Variants in SHANK1 observed in about 807,000 individuals in gnomAD.
The protein encoded by SHANK1 is SH3 and multiple ankyrin repeat domains 1, also known as SH3 and multiple ankyrin repeat domains protein 1.
SHANK1 carries 35 observed loss-of-function variants against 165.6 expected under a neutral mutation model. That is an observed-to-expected ratio of 0.21 (90% CI 0.16 to 0.28). The LOEUF (loss-of-function observed/expected upper bound fraction) is 0.28, where lower values mean the gene tolerates loss of function less well. SHANK1 is among the 10% of genes least tolerant of loss of function. The pLI is 1.00. For synonymous variants in SHANK1, 1,428 were observed against 1,384.8 expected (o/e 1.03, Z -0.69); for missense variants, 2,681 against 3,036.4 (o/e 0.88, Z 2.75).
Position 50,715,051 on chromosome 19 carries a change from G to C in SHANK1, c.531+608C>G, listed in dbSNP as rs115912715. On this transcript the variant is annotated intron_variant, in intron 4 of 23. Coordinates refer to ENST00000293441, the MANE Select transcript of SHANK1 (RefSeq NM_016148.5). Reference sequence around the variant, plus strand: ...GGTGGGGAGAGGGTAGACAAGGAGGGACTGGGAGTTTTTCCTTCTCAAGGA... The same window carrying C: ...GGTGGGGAGAGGGTAGACAAGGAGGCACTGGGAGTTTTTCCTTCTCAAGGA... 6.6e-3 allele frequency among the ~76,000 whole-genome samples: 998 copies of C among 152,134 alleles called. 11 individuals are homozygous for C. The highest frequency in any genetic ancestry group is 0.023 in the African/African-American group (954 of 41,468).
intron 15 of SHANK1, among the ~76,000 whole-genome samples, chr19:50,696,824 A>G (rs1986756275): frequency 6.6e-6 from 1 of 152,102 alleles, no homozygotes; most frequent in Non-Finnish European, 1.5e-5. Flanking sequence ...ACGGATTCAG[A>G]GAAGCACAGA....
chr19:50,674,484 C>G (rs1985912272), intron 21 of SHANK1, among the ~76,000 whole-genome samples: 1 of 152,322 alleles, frequency 6.6e-6, no homozygotes, highest in Non-Finnish European at 1.5e-5. Context: ...ATTCCCAGTT[C>G]CCTCGCTTCT....
chr19:50,708,735 G>C (rs1365698327), intron 8 of SHANK1, among the ~76,000 whole-genome samples: 1 of 152,212 alleles, frequency 6.6e-6, no homozygotes, highest in Admixed American at 6.5e-5. Flanking sequence ...ACTGTGCACA[G>C]TCTTGGTGGA....
chr19:50,710,593 G>GC (rs2088995641), intron 8 of SHANK1, among the ~76,000 whole-genome samples: 1 of 152,164 alleles, frequency 6.6e-6, no homozygotes, highest in African/African-American at 2.4e-5. Flanking sequence ...GCTGCCACGA[G>GC]CCCCCCTGCC....
Position 50,697,791 on chromosome 19 carries a change from T to G in SHANK1, c.1861+52A>C. On this transcript the variant is annotated intron_variant, in intron 13 of 23. Coordinates refer to ENST00000293441, the MANE Select transcript of SHANK1 (RefSeq NM_016148.5). The surrounding 1 kb of genome is among the most constrained non-coding windows in gnomAD (Gnocchi z 4.7). ...CACCCCCATTAGGAAGGGAAAGGAG[T>G]GGACGTGGGAATCCTAGGGTCCATT... 1 of 1,538,134 alleles carries G rather than the reference T, an allele frequency of 6.5e-7. No individual in the cohort carries two copies. The highest frequency in any genetic ancestry group is 9.0e-7 in the Non-Finnish European group (1 of 1,113,870).
intron 15 of SHANK1, among the ~76,000 whole-genome samples, chr19:50,694,019 C>CA (rs895302167): frequency 1.4e-5 from 2 of 138,618 alleles, no homozygotes; most frequent in East Asian, 2.2e-4. Context: ...CCAGCACACA[C>CA]CACACACACA....
Position 50,686,701 on chromosome 19 carries a change from G to T in SHANK1, c.2458+43C>A, listed in dbSNP as rs1257915037. The T allele has an allele frequency of 6.3e-7, 1 of 1,580,086 alleles. No homozygotes were observed. The highest frequency in any genetic ancestry group is 8.7e-7 in the Non-Finnish European group (1 of 1,151,008). Reference sequence around the variant, plus strand: ...GGACAGGGATGCAGCGGGTGCCGGGGCTGGGGCCCGGCATCCCGAGGAGCA... The same window carrying T: ...GGACAGGGATGCAGCGGGTGCCGGGTCTGGGGCCCGGCATCCCGAGGAGCA... On this transcript the variant is annotated intron_variant, in intron 20 of 23. Coordinates refer to ENST00000293441, the MANE Select transcript of SHANK1 (RefSeq NM_016148.5). The surrounding 1 kb of genome is among the most constrained non-coding windows in gnomAD (Gnocchi z 5.7).
intron 15 of SHANK1, among the ~76,000 whole-genome samples, chr19:50,695,663 A>T (rs1354050585): frequency 6.6e-6 from 1 of 151,950 alleles, no homozygotes; most frequent in Non-Finnish European, 1.5e-5. Context: ...CCCGGCAGGG[A>T]CACCGCGGGT....
chr19:50,705,273 T>C (rs1219544911), intron 8 of SHANK1, among the ~76,000 whole-genome samples: 1 of 151,770 alleles, frequency 6.6e-6, no homozygotes, highest in Admixed American at 6.6e-5. Flanking sequence ...ACCCAGGAGG[T>C]GGAGGTTGCA....
chr19:50,669,948 G>T (rs903313425), intron 22 of SHANK1, among the ~76,000 whole-genome samples: 4 of 152,076 alleles, frequency 2.6e-5, no homozygotes, highest in Non-Finnish European at 4.4e-5. Context: ...CACTGCCAAG[G>T]CTCGGTCTTT....
At chr19:50,663,393 C>A (rs1190723258) in intron 23 of SHANK1, among the ~76,000 whole-genome samples, 1 of 152,116 alleles carries the variant, frequency 6.6e-6, no homozygotes, top group Non-Finnish European at 1.5e-5. Flanking sequence ...CACCTCAGGG[C>A]CTTTGAACTG....
Position 50,660,576 on chromosome 19 carries a change from T to C in SHANK1, c.*1389A>G, listed in dbSNP as rs1985162684. 6.6e-6 allele frequency among the ~76,000 whole-genome samples: 1 copy of C among 151,742 alleles called. No homozygotes were observed. The highest frequency in any genetic ancestry group is 2.4e-5 in the African/African-American group (1 of 41,254). ...ATGACAGTTACAGCCCAAGAGTGCATGGAATGAGATGAGTGTGCAAAAGGA... is the reference window on the plus strand; with the variant it reads ...ATGACAGTTACAGCCCAAGAGTGCACGGAATGAGATGAGTGTGCAAAAGGA... On this transcript the variant is annotated 3_prime_UTR_variant, in exon 24 of 24. Transcript: ENST00000293441.
At position 50,718,008 on chromosome 19, in the gene SHANK1, C is replaced by T. The variant is rs938009707; in HGVS notation, c.-43-1046G>A. On this transcript the variant is annotated intron_variant, in intron 1 of 23. Coordinates refer to ENST00000293441, the MANE Select transcript of SHANK1 (RefSeq NM_016148.5). The surrounding 1 kb of genome is among the most constrained non-coding windows in gnomAD (Gnocchi z 5.1). Reference sequence around the variant, plus strand: ...TCTCCCCCAACTCCCACCCCAGCACCGGAAACCAGAATGTCTGGTCTGGTC... The same window carrying T: ...TCTCCCCCAACTCCCACCCCAGCACTGGAAACCAGAATGTCTGGTCTGGTC... Among the ~76,000 whole-genome samples the T allele has an allele frequency of 1.3e-5, 2 of 152,090 alleles. No homozygotes were observed. The highest frequency in any genetic ancestry group is 4.8e-5 in the African/African-American group (2 of 41,400).
intron 8 of SHANK1, among the ~76,000 whole-genome samples, chr19:50,706,284 A>G (rs2088938060): frequency 6.6e-6 from 1 of 152,172 alleles, no homozygotes; most frequent in Non-Finnish European, 1.5e-5. Flanking sequence ...CAGGCCCAGA[A>G]GGAAGGGGAC....
At chr19:50,693,229 C>G (rs1374458851) in intron 15 of SHANK1, among the ~76,000 whole-genome samples, 1 of 145,628 alleles carries the variant, frequency 6.9e-6, no homozygotes, top group Non-Finnish European at 1.5e-5. Flanking sequence ...AATACCCCCC[C>G]ACATTCCCTG....
chr19:50,671,920 C>T (rs1278057025), intron 22 of SHANK1, 98 bp downstream of exon 22: 2 of 911,438 alleles, frequency 2.2e-6, no homozygotes, highest in Non-Finnish European at 3.5e-6. Context: ...TATGGTCTCT[C>T]TGGGAGCACA....
At chr19:50,685,797 C>G (rs1265666705) in intron 21 of SHANK1, among the ~76,000 whole-genome samples, 1 of 152,090 alleles carries the variant, frequency 6.6e-6, no homozygotes, top group Non-Finnish European at 1.5e-5. Flanking sequence ...TCAACACCCC[C>G]TACAGGTTGG....
intron 4 of SHANK1, among the ~76,000 whole-genome samples, chr19:50,714,538 C>A (rs1240226785): frequency 6.6e-6 from 1 of 151,716 alleles, no homozygotes; most frequent in East Asian, 1.9e-4. Context: ...ACAAAAAATG[C>A]AAAAAACTAG....
chr19:50,681,948 T>G (rs1188924325), intron 21 of SHANK1, among the ~76,000 whole-genome samples: 1 of 148,838 alleles, frequency 6.7e-6, no homozygotes, highest in Non-Finnish European at 1.5e-5. Context: ...CTCACTATGT[T>G]GCCCAGGCTG....
Sources: gnomAD v4.1 joint callset for allele counts (sites outside exome capture counted in the v4.1 genomes callset) on GRCh38, gnomAD v4.1.1 for gene constraint, Gnocchi (gnomAD v3.1) non-coding constraint, MANE v1.5 for transcripts, NCBI Gene and HGNC (gene_info 2026-07-23, HGNC 2026-07-21) for gene names.